Variants in EEF1A2 observed in about 807,000 individuals in gnomAD.
EEF1A2 encodes elongation factor 1-alpha 2.
EEF1A2 carries 5 observed loss-of-function variants against 39.3 expected under a neutral mutation model. The observed-to-expected ratio is 0.13, with a 90% CI of 0.07 to 0.27. EEF1A2 has a LOEUF of 0.27. Ranked by LOEUF, EEF1A2 falls within the 10% of genes least tolerant of loss-of-function variation. The pLI is 1.00. For missense variants in EEF1A2, 218 were observed against 681.4 expected, an observed-to-expected ratio of 0.32 and a Z score of 7.57; for synonymous variants, 287 against 293.7, an observed-to-expected ratio of 0.98 and a Z score of 0.23.
chr20:63,492,109 G>GGGAC (rs2082385617), intron 5 of EEF1A2, among the ~76,000 whole-genome samples: 1 of 141,712 alleles, frequency 7.1e-6, no homozygotes. Flanking sequence ...TGGGGAGATG[G>GGGAC]ATGGATGGAT....
chr20:63,488,529 G>A, intron 7 of EEF1A2, 104 bp from the exon 8 acceptor site: 2 of 1,280,830 alleles, frequency 1.6e-6, no homozygotes, highest in Non-Finnish European at 2.0e-6. Context: ...GAATGTCCTC[G>A]GAACACGCTT....
At chr20:63,493,103 C>T (rs1204472406) in intron 5 of EEF1A2, 34 bp downstream of exon 5, 2 of 1,539,752 alleles carry the variant, frequency 1.3e-6, no homozygotes, top group African/African-American at 1.4e-5. Flanking sequence ...CAGAGCTGGC[C>T]AGGCAGGAGC....
At chr20:63,491,868 GGATGGATA>G (rs1370406288) in intron 5 of EEF1A2, among the ~76,000 whole-genome samples, 5 of 82,764 alleles carry the variant, frequency 6.0e-5, no homozygotes, top group African/African-American at 9.6e-5. Context: ...ATGGGGAGGT[GGATGGATA>G]GATGGATGGA....
At position 63,495,849 on chromosome 20, in the gene EEF1A2, T is replaced by C; in HGVS notation, c.324+7A>G. On this transcript the variant is annotated splice_region_variant and intron_variant, in intron 3 of 7. Transcript: ENST00000217182. ...TCCCCCAGCCCCGCCTGCTGTGCCC[T>C]GCTCACCTGGGATGTACCCGTGATC... is the stretch of plus-strand genomic sequence containing the variant. 1 of 1,612,550 alleles carries C rather than the reference T, an allele frequency of 6.2e-7. No individual in the cohort carries two copies. Among genetic ancestry groups the C allele is most frequent in the East Asian group, 2.2e-5 (1 of 44,872 alleles).
At chr20:63,490,822 A>C in intron 5 of EEF1A2, 87 bp from the exon 6 acceptor site, 1 of 1,469,368 alleles carries the variant, frequency 6.8e-7, no homozygotes, top group Non-Finnish European at 9.2e-7. Flanking sequence ...GGAAACCAAC[A>C]AAGCCTGGGA....
In EEF1A2 at chr20:63,495,964, G is replaced by A. The variant is rs2082414516; in HGVS notation, c.216C>T (p.Thr72=). ...CGAACTTCCAGAGGGAGATGTCGAT[G>A]GTGATGCCGCGCTCACGCTCCGCCT... The part of the protein sequence containing the change: ...KLKAERERGI[T]IDISLWKFET... The change falls in exon 3 of 8, where the codon ACC becomes ACT. Residue 72 remains threonine (T), a synonymous_variant. Transcript: ENST00000217182. 1.2e-6 allele frequency: 2 copies of A among 1,613,122 alleles called. No individual in the cohort carries two copies. Among genetic ancestry groups the A allele is most frequent in the South Asian group, 1.1e-5 (1 of 91,086 alleles).
In EEF1A2 at chr20:63,497,481, C is replaced by T; in HGVS notation, c.144+139G>A. On this transcript the variant is annotated intron_variant, in intron 2 of 7. Coordinates refer to ENST00000217182, the MANE Select transcript of EEF1A2 (RefSeq NM_001958.5). This position sits in a 1 kb window ranked among gnomAD's most constrained non-coding sequence, Gnocchi z 7.3. ...CACCAGACCCTCTGAGGCCTGAGTG[C>T]CCCACAGCGGGGGTCCCTCCTGCCC... 1.5e-6 allele frequency: 2 copies of T among 1,361,712 alleles called. No individual in the cohort carries two copies. Among genetic ancestry groups the T allele is most frequent in the Non-Finnish European group, 2.0e-6 (2 of 1,012,088 alleles). The allele number at this position is 1,361,712 out of a possible 1,614,324, so 84.4% of individuals were successfully genotyped here.
rs996488810 is a variant in EEF1A2 at position 63,490,357 on chromosome 20, G to A, written c.1029+122C>T. On this transcript the variant is annotated intron_variant, in intron 6 of 7. Coordinates refer to ENST00000217182, the MANE Select transcript of EEF1A2 (RefSeq NM_001958.5). ...TGGGATTACAGGCGTGAACCACTGCGCCCAGCCTGAGGGTCTGGTTTTCTC... is the reference window on the plus strand; with the variant it reads ...TGGGATTACAGGCGTGAACCACTGCACCCAGCCTGAGGGTCTGGTTTTCTC... The A allele has an allele frequency of 5.2e-5, 69 of 1,322,020 alleles. 1 individual carries two copies. In the South Asian group the frequency reaches 7.1e-4, roughly 14 times the overall value. The allele number at this position is 1,322,020 out of a possible 1,614,324, so 81.9% of individuals were successfully genotyped here.
intron 6 of EEF1A2, chr20:63,490,098 C>T (rs541540087): frequency 1.9e-5 from 3 of 157,682 alleles, no homozygotes; most frequent in Non-Finnish European, 4.2e-5. Context: ...GACGAAGTCT[C>T]GCTCTGTCAC....
chr20:63,489,827 G>A (rs891575824), intron 6 of EEF1A2, among the ~76,000 whole-genome samples: 4 of 152,210 alleles, frequency 2.6e-5, no homozygotes, highest in Non-Finnish European at 2.9e-5. Flanking sequence ...GCAAAGAGGG[G>A]CAATGAAGAC....
Position 63,490,308 on chromosome 20 carries a change from G to T in EEF1A2, c.1029+171C>A, listed in dbSNP as rs949894300. 17 of 769,624 alleles carry T rather than the reference G, an allele frequency of 2.2e-5. No homozygotes were observed. The East Asian group carries it at 4.1e-4, about 19-fold the overall frequency. 47.7% of individuals were successfully genotyped at this position (769,624 alleles called of 1,614,324 possible). The stretch of plus-strand genomic sequence containing the variant: ...ACTTGATCTCTTGACCTCGTGATCT[G>T]CCCGCCTCGGCCTCTCAAAGTGCTG... On this transcript the variant is annotated intron_variant, in intron 6 of 7. Coordinates refer to ENST00000217182, the MANE Select transcript of EEF1A2 (RefSeq NM_001958.5).
chr20:63,494,725 G>A (rs569559190), intron 4 of EEF1A2, 80 bp downstream of exon 4: 34 of 1,509,970 alleles, frequency 2.3e-5, no homozygotes, highest in African/African-American at 8.2e-5. Context: ...CGACCTCCCC[G>A]TGCCACCTGC....
intron 2 of EEF1A2, 189 bp from the exon 3 acceptor site, chr20:63,496,224 C>T (rs1055689164): frequency 2.1e-4 from 139 of 671,222 alleles, no homozygotes; most frequent in Non-Finnish European, 3.2e-4. Flanking sequence ...CCCTGCCCCC[C>T]AGGGCCGGCC....
At chr20:63,491,982 ATG>A in intron 5 of EEF1A2, among the ~76,000 whole-genome samples, 1 of 117,050 alleles carries the variant, frequency 8.5e-6, no homozygotes, top group Non-Finnish European at 1.7e-5. Flanking sequence ...GGATGGATGG[ATG>A]GATGGATGGA....
rs377632570 is a variant in EEF1A2, at chr20:63,488,964, C to G, written c.1218G>C (p.Pro406=). Residue 406 remains proline (P), a synonymous_variant, in exon 7 of 8, where the codon CCG becomes CCC. Transcript: ENST00000217182. ...AGCTCTCCACACACATGGGCTTTCC[C>G]GGCACCATCTCCACGATGGCCGCGT... ...SGDAAIVEMV[P]GKPMCVESFS... is the part of the protein sequence containing the mutation. The G allele has an allele frequency of 6.2e-7, 1 of 1,612,466 alleles. No individual in the cohort carries two copies. Among genetic ancestry groups the G allele is most frequent in the South Asian group, 1.1e-5 (1 of 91,088 alleles).
intron 5 of EEF1A2, among the ~76,000 whole-genome samples, chr20:63,492,036 T>G: frequency 2.3e-5 from 2 of 86,272 alleles, no homozygotes; most frequent in Non-Finnish European, 4.4e-5. Context: ...GATGGATGGA[T>G]GGATGATGGA....
chr20:63,491,766 GTGGA>G (rs534300652), intron 5 of EEF1A2, among the ~76,000 whole-genome samples: 248 of 147,362 alleles, frequency 1.7e-3, no homozygotes, highest in South Asian at 3.1e-3. Context: ...GGATGGATTG[GTGGA>G]TGGATGGATG....
At chr20:63,495,685 T>A (rs1029124912) in intron 3 of EEF1A2, among the ~76,000 whole-genome samples, 171 bp downstream of exon 3, 2 of 152,110 alleles carry the variant, frequency 1.3e-5, no homozygotes, top group African/African-American at 4.8e-5. Flanking sequence ...ACTGGATTCA[T>A]CCTTAGGGGG....
rs182053046 is a variant in EEF1A2, at chr20:63,493,228, G to A, written c.681C>T (p.Ser227=). ...GGATGGTGTCCAGGGCCTCCAGCAG[G>A]GACACGCCGCTTGCGTTGCCCTCCT... ...ERKEGNASGV[S]LLEALDTILP... is the part of the protein sequence containing the mutation. Residue 227 remains serine, a synonymous_variant, in exon 5 of 8, where the codon TCC becomes TCT. Coordinates refer to ENST00000217182, the MANE Select transcript of EEF1A2 (RefSeq NM_001958.5). 1.3e-6 allele frequency: 2 copies of A among 1,547,484 alleles called. No individual in the cohort carries two copies. Among genetic ancestry groups the A allele is most frequent in the East Asian group, 2.4e-5 (1 of 40,838 alleles).
Sources: allele counts gnomAD v4.1 joint callset (sites outside exome capture counted in the v4.1 genomes callset), GRCh38; gene constraint gnomAD v4.1.1; non-coding constraint Gnocchi (gnomAD v3.1); transcripts MANE v1.5; gene names NCBI Gene and HGNC (gene_info 2026-07-23, HGNC 2026-07-21).